Variants in RBPMS2 observed in about 807,000 individuals in gnomAD.
RBPMS2 encodes the protein RNA binding protein, mRNA processing factor 2, also known as RNA-binding protein with multiple splicing 2.
RBPMS2 carries 14 observed loss-of-function variants against 25.7 expected under a neutral mutation model. The observed-to-expected ratio is 0.55, with a 90% confidence interval of 0.36 to 0.85. RBPMS2 has a LOEUF of 0.85. RBPMS2 is among the 40% of genes least tolerant of loss of function. The pLI is 0.01. For synonymous variants in RBPMS2, 127 were observed against 115.6 expected (o/e 1.10, Z -0.63); for missense variants, 252 against 283.4 (o/e 0.89, Z 0.80).
intron 6 of RBPMS2, among the ~76,000 whole-genome samples, chr15:64,744,562 A>C (rs1423300576): frequency 7.2e-6 from 1 of 139,134 alleles, no homozygotes; most frequent in East Asian, 2.1e-4. Context: ...CTGTCTCAAA[A>C]AAAAAAAAAA....
At chr15:64,773,325 G>A (rs2141082303) in intron 1 of RBPMS2, among the ~76,000 whole-genome samples, 1 of 152,296 alleles carries the variant, frequency 6.6e-6, no homozygotes, top group African/African-American at 2.4e-5. Flanking sequence ...AGGGCTTGGG[G>A]AATAACCCTT....
intron 6 of RBPMS2, among the ~76,000 whole-genome samples, chr15:64,745,476 G>T (rs1179931506): frequency 6.6e-6 from 1 of 152,150 alleles, no homozygotes; most frequent in Non-Finnish European, 1.5e-5. Context: ...GGGAGTTTAT[G>T]TAACCTTAAG....
At chr15:64,774,391 G>A (rs1030542017) in intron 1 of RBPMS2, among the ~76,000 whole-genome samples, 5 of 152,078 alleles carry the variant, frequency 3.3e-5, no homozygotes, top group African/African-American at 7.2e-5. Context: ...ATATCTTTGA[G>A]GCTTTTATCC....
In RBPMS2 at chr15:64,744,798, GTTTTTTTTTTTTTT is replaced by G. The variant is rs748967917; in HGVS notation, c.568-3570_568-3557del. On this transcript the variant is annotated intron_variant, in intron 6 of 7. Transcript: ENST00000300069. ...TATTTAAGTTTTTTTGGTTTGTTTT[GTTTTTTTTTTTTTT>G]TTTTTTTTTTTTTTTTTTTTGAGAC... 6.8e-3 allele frequency among the ~76,000 whole-genome samples: 313 copies of G among 46,324 alleles called. 4 individuals carry two copies. The Middle Eastern group carries it at 0.12, about 17-fold the overall frequency. The allele number at this position is 46,324 out of a possible 152,430, so 30.4% of individuals were successfully genotyped here. A position where few individuals can be genotyped will look rare whatever the true frequency, so the allele number is the denominator to read the frequency against.
intron 3 of RBPMS2, 93 bp downstream of exon 3, chr15:64,750,250 T>A: frequency 9.2e-7 from 1 of 1,085,152 alleles, no homozygotes; most frequent in Non-Finnish European, 1.4e-6. Context: ...TACCGCCAGA[T>A]GCCTCTAGAT....
At chr15:64,768,827 G>A (rs1298741486) in intron 1 of RBPMS2, among the ~76,000 whole-genome samples, 15 of 148,446 alleles carry the variant, frequency 1.0e-4, no homozygotes, top group Middle Eastern at 3.8e-3. Flanking sequence ...AAGGCCGGGC[G>A]CCGTGGCTCA....
intron 1 of RBPMS2, among the ~76,000 whole-genome samples, chr15:64,769,225 G>C (rs2083873870): frequency 6.6e-6 from 1 of 151,176 alleles, no homozygotes; most frequent in South Asian, 2.1e-4. Flanking sequence ...CACTTTGGGA[G>C]GCCGAGGCCT....
chr15:64,774,283 C>T (rs539723897), intron 1 of RBPMS2, among the ~76,000 whole-genome samples: 30 of 152,322 alleles, frequency 2.0e-4, no homozygotes, highest in African/African-American at 7.2e-4. Flanking sequence ...TCTCTCACCC[C>T]TAGAATGACG....
At chr15:64,741,109 C>T in intron 7 of RBPMS2, 64 bp downstream of exon 7, 1 of 1,297,530 alleles carries the variant, frequency 7.7e-7, no homozygotes. Context: ...GAGGGAGGAA[C>T]TACGGCCCTT....
At chr15:64,747,273 G>A (rs2083625927) in intron 6 of RBPMS2, among the ~76,000 whole-genome samples, 1 of 152,124 alleles carries the variant, frequency 6.6e-6, no homozygotes, top group African/African-American at 2.4e-5. Flanking sequence ...ACAAACCCAG[G>A]TGTCACTGAG....
chr15:64,748,660 C>T, intron 5 of RBPMS2, 93 bp from the exon 6 acceptor site: 1 of 1,444,224 alleles, frequency 6.9e-7, no homozygotes, highest in South Asian at 1.4e-5. Context: ...AGCCATATGC[C>T]CCACACTGAG....
At chr15:64,744,224 C>T (rs961457177) in intron 6 of RBPMS2, among the ~76,000 whole-genome samples, 21 of 152,012 alleles carry the variant, frequency 1.4e-4, no homozygotes, top group Non-Finnish European at 1.9e-4. Context: ...GGTAAGTCTA[C>T]ACTTTCACCG....
intron 1 of RBPMS2, among the ~76,000 whole-genome samples, chr15:64,769,424 C>CA (rs11311509): frequency 0.39 from 34,003 of 87,650 alleles, 6,874 homozygotes; most frequent in Non-Finnish European, 0.52. Context: ...AACTCCGTCT[C>CA]AAAAAAAAAA....
At position 64,763,048 on chromosome 15, in the gene RBPMS2, G is replaced by A. The variant is rs982349345; in HGVS notation, c.88-11410C>T. 4.0e-5 allele frequency among the ~76,000 whole-genome samples: 6 copies of A among 148,804 alleles called. No homozygotes were observed. The East Asian group carries it at 8.0e-4, about 20-fold the overall frequency. ...TACCCTTGGTGTGGTCTTGGTCGCC[G>A]TAGTGGGTAGGGGGTGGGGGTGGGA... On this transcript the variant is annotated intron_variant, in intron 1 of 7. Coordinates refer to ENST00000300069, the MANE Select transcript of RBPMS2 (RefSeq NM_194272.3).
chr15:64,759,045 C>A (rs1168244980), intron 1 of RBPMS2, among the ~76,000 whole-genome samples: 1 of 152,160 alleles, frequency 6.6e-6, no homozygotes, highest in Non-Finnish European at 1.5e-5. Context: ...CCTGCCCCAG[C>A]CTCCCAAAGC....
intron 1 of RBPMS2, among the ~76,000 whole-genome samples, chr15:64,755,347 G>A (rs576222249): frequency 6.6e-6 from 1 of 152,290 alleles, no homozygotes; most frequent in Admixed American, 6.5e-5. Context: ...CCGTCTGCCT[G>A]AGCACAGATG....
intron 2 of RBPMS2, among the ~76,000 whole-genome samples, chr15:64,751,061 G>A (rs956842667): frequency 3.0e-5 from 4 of 134,604 alleles, no homozygotes; most frequent in Non-Finnish European, 6.4e-5. Context: ...AAGGACAAGC[G>A]CCGTGGCTCA....
At chr15:64,748,892 C>T (rs1187807472) in intron 5 of RBPMS2, 108 bp downstream of exon 5, 7 of 1,283,060 alleles carry the variant, frequency 5.5e-6, no homozygotes, top group Non-Finnish European at 6.5e-6. Flanking sequence ...AAATGGGTGG[C>T]CGTGGACACA....
At position 64,750,549 on chromosome 15, in the gene RBPMS2, G is replaced by A. The variant is rs146692542; in HGVS notation, c.166-168C>T. 3.5e-3 allele frequency among the ~76,000 whole-genome samples: 531 copies of A among 152,274 alleles called. 8 individuals carry two copies. Among genetic ancestry groups the A allele is most frequent in the East Asian group, 0.026 (136 of 5,180 alleles). On this transcript the variant is annotated intron_variant, in intron 2 of 7. Coordinates refer to ENST00000300069, the MANE Select transcript of RBPMS2 (RefSeq NM_194272.3). ...GCCACTGCCAAACGTCCACCGCCCT[G>A]CGTTCTGAATCACGCGGTCTAGCAC...
Sources: gnomAD v4.1 joint callset for allele counts (sites outside exome capture counted in the v4.1 genomes callset) on GRCh38, gnomAD v4.1.1 for gene constraint, MANE v1.5 for transcripts, NCBI Gene and HGNC (gene_info 2026-07-23, HGNC 2026-07-21) for gene names.